NTM: variants seen among roughly 807,000 people sequenced by gnomAD.
NTM encodes the protein neurotrimin, also known as IgLON family member 2.
NTM carries 13 observed loss-of-function variants against 42.1 expected under a neutral mutation model. That is an observed-to-expected ratio of 0.31 (90% CI 0.20 to 0.49). The LOEUF is 0.49. Among genes scored for constraint, NTM ranks in the 20% least tolerant of loss-of-function variants. NTM has a pLI of 0.99. For missense variants in NTM, 373 were observed against 452.8 expected (o/e 0.82, Z 1.60); for synonymous variants, 187 against 179.2 (o/e 1.04, Z -0.35).
chr11:131,642,266 T>A (rs2134238644), intron 1 of NTM, among the ~76,000 whole-genome samples: 1 of 152,204 alleles, frequency 6.6e-6, no homozygotes, highest in East Asian at 1.9e-4. Flanking sequence ...GGAACCTGAC[T>A]CCCAGGCATC....
intron 1 of NTM, among the ~76,000 whole-genome samples, chr11:131,801,097 A>T (rs1310114390): frequency 6.6e-6 from 1 of 152,216 alleles, no homozygotes; most frequent in Non-Finnish European, 1.5e-5. Flanking sequence ...GGGGAAGATT[A>T]GCACTTTTAC....
At chr11:131,541,084 C>T (rs1323819415) in intron 1 of NTM, among the ~76,000 whole-genome samples, 3 of 152,144 alleles carry the variant, frequency 2.0e-5, no homozygotes, top group African/African-American at 4.8e-5. Context: ...TCAAATCAAT[C>T]CCCGTGCTTC....
intron 1 of NTM, among the ~76,000 whole-genome samples, chr11:131,685,564 C>T (rs2073752022): frequency 6.6e-6 from 1 of 152,244 alleles, no homozygotes. Flanking sequence ...TACTTTTCTG[C>T]TGGCAGTGCT....
chr11:131,635,510 C>T (rs945059284), intron 1 of NTM, among the ~76,000 whole-genome samples: 3 of 151,944 alleles, frequency 2.0e-5, no homozygotes, highest in African/African-American at 7.3e-5. Context: ...TGTTTTTGTA[C>T]AACTGTATGA....
At chr11:131,541,091 C>T (rs7942907) in intron 1 of NTM, among the ~76,000 whole-genome samples, 13,083 of 152,238 alleles carry the variant, frequency 0.086, 1,877 homozygotes, top group African/African-American at 0.3. Context: ...AATCCCCGTG[C>T]TTCTTCATTA....
intron 1 of NTM, among the ~76,000 whole-genome samples, chr11:131,557,017 G>A (rs1433996457): frequency 6.6e-6 from 1 of 152,010 alleles, no homozygotes; most frequent in Non-Finnish European, 1.5e-5. Flanking sequence ...GTTTGTGTGT[G>A]TGTGTGTCTG....
intron 2 of NTM, among the ~76,000 whole-genome samples, chr11:131,919,315 C>T (rs148786214): frequency 6.6e-6 from 1 of 152,172 alleles, no homozygotes; most frequent in East Asian, 1.9e-4. Context: ...TAATAGATAA[C>T]TAATACTAAA....
intron 2 of NTM, among the ~76,000 whole-genome samples, chr11:132,007,225 C>T (rs1593647923): frequency 2.0e-5 from 3 of 152,198 alleles, no homozygotes; most frequent in Non-Finnish European, 4.4e-5. Context: ...TAATGCAAAA[C>T]CTAGCCAGGA....
At chr11:132,124,035 A>G (rs2065262897) in intron 2 of NTM, among the ~76,000 whole-genome samples, 5 of 152,170 alleles carry the variant, frequency 3.3e-5, no homozygotes, top group Admixed American at 3.3e-4. Flanking sequence ...TTGCAGGTAA[A>G]GTGGAGATAT....
intron 4 of NTM, among the ~76,000 whole-genome samples, chr11:132,259,789 G>T (rs991562851): frequency 2.0e-5 from 3 of 151,638 alleles, no homozygotes; most frequent in Admixed American, 1.3e-4. Flanking sequence ...TCTCTCTGTC[G>T]CCCAGGCTGT....
intron 2 of NTM, among the ~76,000 whole-genome samples, chr11:132,130,133 G>C (rs1422145310): frequency 6.6e-6 from 1 of 152,184 alleles, no homozygotes; most frequent in Admixed American, 6.5e-5. Flanking sequence ...AGAAGGAGAA[G>C]GGAACCTAGT....
At chr11:132,081,051 A>G (rs1413086385) in intron 2 of NTM, among the ~76,000 whole-genome samples, 2 of 152,238 alleles carry the variant, frequency 1.3e-5, no homozygotes, top group East Asian at 3.9e-4. Context: ...TAAAAGAATA[A>G]GCACATAGAT....
intron 4 of NTM, among the ~76,000 whole-genome samples, chr11:132,257,983 C>CCA (rs1248028551): frequency 8.5e-5 from 13 of 152,178 alleles, no homozygotes; most frequent in African/African-American, 2.9e-4. Flanking sequence ...CAGAGCCTTC[C>CCA]CCACCAGACA....
intron 4 of NTM, among the ~76,000 whole-genome samples, chr11:132,286,266 G>A (rs1402561762): frequency 6.6e-6 from 1 of 152,120 alleles, no homozygotes; most frequent in Non-Finnish European, 1.5e-5. Flanking sequence ...AAACATAAAC[G>A]AGTCTGGCCT....
chr11:132,251,665 T>G (rs1009763299), intron 4 of NTM, among the ~76,000 whole-genome samples: 2 of 152,218 alleles, frequency 1.3e-5, no homozygotes, highest in African/African-American at 4.8e-5. Context: ...GGATGCGAAA[T>G]GGCGGGACCA....
chr11:131,849,931 C>A (rs1384755626), intron 1 of NTM, among the ~76,000 whole-genome samples: 1 of 150,444 alleles, frequency 6.6e-6, no homozygotes, highest in Non-Finnish European at 1.5e-5. Context: ...TGTAACAAAC[C>A]TGCACTTTGT....
At chr11:132,217,144 C>T (rs1297047896) in intron 4 of NTM, among the ~76,000 whole-genome samples, 3 of 152,184 alleles carry the variant, frequency 2.0e-5, no homozygotes, top group Non-Finnish European at 4.4e-5. Context: ...GTACCAAGTA[C>T]TCCTGTGTCT....
chr11:131,483,349 G>A lies in NTM; in HGVS notation c.82+112461G>A, dbSNP rs946348337. 2.6e-5 allele frequency among the ~76,000 whole-genome samples: 4 copies of A among 152,244 alleles called. No individual in the cohort carries two copies. The South Asian group carries it at 6.2e-4, about 24-fold the overall frequency. ...AGAAGACTGTCAGGGTTACACATTC[G>A]TTTCAATCCTCACATCAAGTCTCAA... On this transcript the variant is annotated intron_variant, in intron 1 of 8. Coordinates refer to ENST00000683400, the MANE Select transcript of NTM (RefSeq NM_001352005.2).
chr11:131,660,288 G>A (rs1392386723), intron 1 of NTM: 3 of 354,944 alleles, frequency 8.5e-6, no homozygotes, highest in African/African-American at 6.4e-5. Context: ...GAGGTTTTCT[G>A]TAGAAGCAGG....
Sources: allele counts gnomAD v4.1 joint callset (sites outside exome capture counted in the v4.1 genomes callset), GRCh38; gene constraint gnomAD v4.1.1; transcripts MANE v1.5; gene names NCBI Gene and HGNC (gene_info 2026-07-23, HGNC 2026-07-21).